The following ABHD16B variants were observed in gnomAD, a reference collection of about 807,000 sequenced individuals.
ABHD16B encodes abhydrolase domain containing 16B.
In ABHD16B, 14 loss-of-function variants were observed where a neutral mutation model predicts 10.5. That is an observed-to-expected ratio of 1.33 (90% confidence interval 0.88 to 2.08). The LOEUF (loss-of-function observed/expected upper bound fraction) is 2.08, where lower values mean the gene tolerates loss of function less well. Ranked by LOEUF, ABHD16B falls within the 30% of genes most tolerant of loss-of-function variation. ABHD16B has a pLI of 0.00. For missense variants in ABHD16B, 763 were observed against 717.4 expected, an observed-to-expected ratio of 1.06 and a Z score of -0.73; for synonymous variants, 374 against 337.9, an observed-to-expected ratio of 1.11 and a Z score of -1.17.
rs2052105764 is a variant in ABHD16B, at chr20:63,862,839, G to GCGGCGC, written c.1307_1312dup (p.Arg436_Arg437dup). On this transcript the variant is annotated inframe_insertion, in exon 1 of 1. Transcript: ENST00000369916. This position sits in a 1 kb window ranked among gnomAD's most constrained non-coding sequence, Gnocchi z 7.5. The stretch of plus-strand genomic sequence containing the variant: ...TGGTGGGCCAGGGCCTGAGCTCGCG[G>GCGGCGC]CGGCGCCGGCGCCTCGCACTGTTCC... 6.5e-7 allele frequency: 1 copy of GCGGCGC among 1,535,406 alleles called. No homozygotes were observed. The highest frequency in any genetic ancestry group is 8.7e-7 in the Non-Finnish European group (1 of 1,145,448).
In ABHD16B at chr20:63,862,963, A is replaced by G; in HGVS notation, c.*13A>G. The G allele has an allele frequency of 8.0e-7, 1 of 1,244,406 alleles. No individual in the cohort carries two copies. Among genetic ancestry groups the G allele is most frequent in the Non-Finnish European group, 1.0e-6 (1 of 971,292 alleles). The allele number at this position is 1,244,406 out of a possible 1,614,324, so 77.1% of individuals were successfully genotyped here. On this transcript the variant is annotated 3_prime_UTR_variant, in exon 1 of 1. Coordinates refer to ENST00000369916, the MANE Select transcript of ABHD16B (RefSeq NM_080622.4). The surrounding 1 kb of genome is among the most constrained non-coding windows in gnomAD (Gnocchi z 7.5). ...CTGGCGGCTGTAACCTATATGCCCC[A>G]GTGGGGGATCACGCACTTGAACTCC...
rs144773464 is a variant in ABHD16B, at chr20:63,862,418, G to A, written c.878G>A (p.Arg293His). The A allele has an allele frequency of 2.3e-5, 37 of 1,586,236 alleles. No individual in the cohort carries two copies. In the African/African-American group the frequency reaches 4.3e-4, roughly 18 times the overall value. The stretch of plus-strand genomic sequence containing the variant: ...CACAGTTGGAAGGGGCTGGTGGTGC[G>A]CACCGTGCGCGAGCACTTCAACCTC... ...MPHSWKGLVV[R>H]TVREHFNLNV... The change falls in exon 1 of 1, where the codon CGC (arginine) becomes CAC (histidine). Residue 293 changes from arginine (R) to histidine (H), a missense_variant. Physicochemically the swap from Arg to His is conservative, Grantham distance 29. Transcript: ENST00000369916. This position sits in a 1 kb window ranked among gnomAD's most constrained non-coding sequence, Gnocchi z 7.5.
Position 63,862,744 on chromosome 20 carries a change from C to G in ABHD16B, c.1204C>G (p.Arg402Gly). The change falls in exon 1 of 1, where the codon CGT (arginine) becomes GGT (glycine). Residue 402 changes from arginine to glycine, a missense_variant. Transcript: ENST00000369916. The surrounding 1 kb of genome is among the most constrained non-coding windows in gnomAD (Gnocchi z 7.5). ...GTGCCTGGCGCTGCTGCGCTCCTAC[C>G]GTGCACGCTGCGAAGAGGAGCTGGA... is the stretch of plus-strand genomic sequence containing the variant. ...DWCLALLRSY[R>G]ARCEEELEGE... is the part of the protein sequence containing the mutation. 4 of 1,529,600 alleles carry G rather than the reference C, an allele frequency of 2.6e-6. No individual in the cohort carries two copies. The highest frequency in any genetic ancestry group is 1.8e-4 in the Middle Eastern group (1 of 5,566). The allele number at this position is 1,529,600 out of a possible 1,614,324, so 94.8% of individuals were successfully genotyped here.
At position 63,861,964 on chromosome 20, in the gene ABHD16B, C is replaced by G. The variant is rs368544774; in HGVS notation, c.424C>G (p.Arg142Gly). The G allele has an allele frequency of 8.1e-6, 13 of 1,598,752 alleles. No homozygotes were observed. The highest frequency in any genetic ancestry group is 1.0e-5 in the Non-Finnish European group (12 of 1,178,474). ...ERLVERYHGR[R>G]AKLVACDGNE... is the part of the protein sequence containing the mutation. ...CCTCGTGGAGCGCTACCACGGCCGG[C>G]GCGCCAAGCTGGTGGCCTGTGACGG... The change falls in exon 1 of 1, where the codon CGC (arginine) becomes GGC (glycine). Residue 142 changes from arginine (R) to glycine (G), a missense_variant. Arg to Gly is a moderately radical substitution (Grantham distance 125, BLOSUM62 -2). Coordinates refer to ENST00000369916, the MANE Select transcript of ABHD16B (RefSeq NM_080622.4). The surrounding 1 kb of genome is among the most constrained non-coding windows in gnomAD (Gnocchi z 5.4).
In ABHD16B at chr20:63,861,871, G is replaced by A. The variant is rs373980057; in HGVS notation, c.331G>A (p.Val111Met). ...GGCCCACTCGCTGGGCCGCTGGCTC[G>A]TGTACCCCGGCTCCGTGTCCCTGAT... ...ALAHSLGRWL[V>M]YPGSVSLMTR... The change falls in exon 1 of 1, where the codon GTG becomes ATG. Residue 111 changes from valine (V) to methionine (M), a missense_variant. Physicochemically the swap from Val to Met is conservative, Grantham distance 21 (BLOSUM62 1). Coordinates refer to ENST00000369916, the MANE Select transcript of ABHD16B (RefSeq NM_080622.4). The surrounding 1 kb of genome is among the most constrained non-coding windows in gnomAD (Gnocchi z 5.4). The A allele has an allele frequency of 1.9e-4, 299 of 1,547,502 alleles. No individual in the cohort carries two copies. In the African/African-American group the frequency reaches 3.8e-3, roughly 20 times the overall value.
rs2052102516 is a variant in ABHD16B, at chr20:63,862,676, A to AGGAGGCCGCC, written c.1137_1146dup (p.Phe383GlyfsTer82). On this transcript the variant is annotated frameshift_variant, in exon 1 of 1. Coordinates refer to ENST00000369916, the MANE Select transcript of ABHD16B (RefSeq NM_080622.4). LOFTEE classifies it low-confidence loss of function (END_TRUNC). This position sits in a 1 kb window ranked among gnomAD's most constrained non-coding sequence, Gnocchi z 7.5. ...TGGCTGCGCGCTGGCAGCTTGGCGC[A>AGGAGGCCGCC]GGAGGCCGCCTTCTATGCACGCTAC... 1 of 1,535,462 alleles carries AGGAGGCCGCC rather than the reference A, an allele frequency of 6.5e-7. No homozygotes were observed. The highest frequency in any genetic ancestry group is 1.2e-5 in the South Asian group (1 of 83,892).
rs144760130 is a variant in ABHD16B, at chr20:63,862,212, C to T, written c.672C>T (p.Asp224=). 6.2e-7 allele frequency: 1 copy of T among 1,611,288 alleles called. No homozygotes were observed. Among genetic ancestry groups the T allele is most frequent in the African/African-American group, 1.3e-5 (1 of 74,902 alleles). The change falls in exon 1 of 1, where the codon GAC becomes GAT. Residue 224 remains aspartate (D), a synonymous_variant. Transcript: ENST00000369916. The surrounding 1 kb of genome is among the most constrained non-coding windows in gnomAD (Gnocchi z 7.5). ...CTCAGCACGACGCCAACGCCATGGA[C>T]GTGGTGGTCGAGTACGCACTGCACC... The part of the protein sequence containing the change: ...PFPQHDANAM[D]VVVEYALHRL...
Position 63,861,643 on chromosome 20 carries a change from T to C in ABHD16B, c.103T>C (p.Trp35Arg), listed in dbSNP as rs2052082443. The C allele has an allele frequency of 7.1e-6, 11 of 1,544,972 alleles. No individual in the cohort carries two copies. The highest frequency in any genetic ancestry group is 3.9e-5 in the Admixed American group (2 of 51,298). ...PFRGWPVAFR[W>R]DDVRAVGRSS... is the part of the protein sequence containing the mutation. ...CCGCGGCTGGCCCGTGGCCTTCCGCTGGGATGACGTGCGCGCCGTGGGCCG... is the reference window on the plus strand; with the variant it reads ...CCGCGGCTGGCCCGTGGCCTTCCGCCGGGATGACGTGCGCGCCGTGGGCCG... Residue 35 changes from tryptophan (W) to arginine (R), a missense_variant, in exon 1 of 1, where the codon TGG (tryptophan) becomes CGG (arginine). By Grantham distance (101) the Trp-to-Arg change is moderately radical (BLOSUM62 -3). Coordinates refer to ENST00000369916, the MANE Select transcript of ABHD16B (RefSeq NM_080622.4). The surrounding 1 kb of genome is among the most constrained non-coding windows in gnomAD (Gnocchi z 5.4).
rs1181155101 is a variant in ABHD16B at position 63,861,758 on chromosome 20, G to C, written c.218G>C (p.Gly73Ala). ...GAGACGCTGGGCGGGGATGCGCTGG[G>C]GCGGCCTCCACGTGGGGCGCGCAGC... is the stretch of plus-strand genomic sequence containing the variant. The part of the protein sequence containing the change: ...RDETLGGDAL[G>A]RPPRGARSQA... The change falls in exon 1 of 1, where the codon GGG becomes GCG. Residue 73 changes from glycine (G) to alanine (A), a missense_variant. Transcript: ENST00000369916. This position sits in a 1 kb window ranked among gnomAD's most constrained non-coding sequence, Gnocchi z 5.4. The C allele has an allele frequency of 2.8e-6, 4 of 1,413,750 alleles. No individual in the cohort carries two copies. The African/African-American group carries it at 6.1e-5, about 22-fold the overall frequency. The allele number at this position is 1,413,750 out of a possible 1,614,324, so 87.6% of individuals were successfully genotyped here. A position where few individuals can be genotyped will look rare whatever the true frequency, so the allele number is the denominator to read the frequency against.
chr20:63,861,814 G>A lies in ABHD16B; in HGVS notation c.274G>A (p.Glu92Lys). The change falls in exon 1 of 1, where the codon GAG becomes AAG. Residue 92 changes from glutamate to lysine, a missense_variant. Coordinates refer to ENST00000369916, the MANE Select transcript of ABHD16B (RefSeq NM_080622.4). The surrounding 1 kb of genome is among the most constrained non-coding windows in gnomAD (Gnocchi z 5.4). Reference sequence around the variant, plus strand: ...GCAGTGCCTCTTGCAGCAGCTCCGCGAGCTGCCCGGCCAGCTCGCTAGCTA... The same window carrying A: ...GCAGTGCCTCTTGCAGCAGCTCCGCAAGCTGCCCGGCCAGCTCGCTAGCTA... ...QAQCLLQQLR[E>K]LPGQLASYAL... 9 of 1,464,300 alleles carry A rather than the reference G, an allele frequency of 6.1e-6. No homozygotes were observed. Among genetic ancestry groups the A allele is most frequent in the Non-Finnish European group, 7.3e-6 (8 of 1,101,976 alleles). The allele number at this position is 1,464,300 out of a possible 1,614,324, so 90.7% of individuals were successfully genotyped here. A position where few individuals can be genotyped will look rare whatever the true frequency, so the allele number is the denominator to read the frequency against.
Position 63,861,673 on chromosome 20 carries a change from A to AGCAGCCACCGGGCGCTGACCTGCGCG in ABHD16B, c.140_165dup (p.Ala56ThrfsTer4). 6.5e-7 allele frequency: 1 copy of AGCAGCCACCGGGCGCTGACCTGCGCG among 1,534,558 alleles called. No homozygotes were observed. Among genetic ancestry groups the AGCAGCCACCGGGCGCTGACCTGCGCG allele is most frequent in the Non-Finnish European group, 8.7e-7 (1 of 1,143,584 alleles). On this transcript the variant is annotated frameshift_variant, in exon 1 of 1. Coordinates refer to ENST00000369916, the MANE Select transcript of ABHD16B (RefSeq NM_080622.4). LOFTEE classifies it high-confidence loss of function. This position sits in a 1 kb window ranked among gnomAD's most constrained non-coding sequence, Gnocchi z 5.4. ...TGACGTGCGCGCCGTGGGCCGGAGC[A>AGCAGCCACCGGGCGCTGACCTGCGCG]GCAGCCACCGGGCGCTGACCTGCGC...
chr20:63,861,713 G>A lies in ABHD16B; in HGVS notation c.173G>A (p.Gly58Asp). The A allele has an allele frequency of 6.9e-7, 1 of 1,452,328 alleles. No homozygotes were observed. Among genetic ancestry groups the A allele is most frequent in the Non-Finnish European group, 9.0e-7 (1 of 1,111,616 alleles). 90.0% of individuals were successfully genotyped at this position (1,452,328 alleles called of 1,614,324 possible). A position where few individuals can be genotyped will look rare whatever the true frequency, so the allele number is the denominator to read the frequency against. Residue 58 changes from glycine to aspartate, a missense_variant, in exon 1 of 1, where the codon GGC (glycine) becomes GAC (aspartate). Gly to Asp is a moderately conservative substitution (Grantham distance 94). Coordinates refer to ENST00000369916, the MANE Select transcript of ABHD16B (RefSeq NM_080622.4). The surrounding 1 kb of genome is among the most constrained non-coding windows in gnomAD (Gnocchi z 5.4). Reference sequence around the variant, plus strand: ...CTGACCTGCGCGGCAGCCGCGGCGGGCGTGTGGTTGCTGCGGGACGAGACG... The same window carrying A: ...CTGACCTGCGCGGCAGCCGCGGCGGACGTGTGGTTGCTGCGGGACGAGACG... ...RALTCAAAAA[G>D]VWLLRDETLG...
At position 63,862,347 on chromosome 20, in the gene ABHD16B, C is replaced by T; in HGVS notation, c.807C>T (p.Asp269=). Residue 269 remains aspartate (D), a synonymous_variant, in exon 1 of 1, where the codon GAC becomes GAT. Coordinates refer to ENST00000369916, the MANE Select transcript of ABHD16B (RefSeq NM_080622.4). The surrounding 1 kb of genome is among the most constrained non-coding windows in gnomAD (Gnocchi z 7.5). Reference sequence around the variant, plus strand: ...CGGAGCTGGGTGCACTGGTGCTGGACGCCACCTTCGACGACCTTGTGCCGC... The same window carrying T: ...CGGAGCTGGGTGCACTGGTGCTGGATGCCACCTTCGACGACCTTGTGCCGC... ...TYPELGALVL[D]ATFDDLVPLA... is the part of the protein sequence containing the mutation. The T allele has an allele frequency of 6.2e-7, 1 of 1,612,026 alleles. No individual in the cohort carries two copies.
rs1277613288 is a variant in ABHD16B, at chr20:63,861,740, T to C, written c.200T>C (p.Leu67Pro). The C allele has an allele frequency of 9.1e-5, 128 of 1,410,748 alleles. No homozygotes were observed. The highest frequency in any genetic ancestry group is 1.2e-4 in the Non-Finnish European group (126 of 1,092,468). The allele number at this position is 1,410,748 out of a possible 1,614,324, so 87.4% of individuals were successfully genotyped here. A position where few individuals can be genotyped will look rare whatever the true frequency, so the allele number is the denominator to read the frequency against. ...AGVWLLRDET[L>P]GGDALGRPPR... ...GTGTGGTTGCTGCGGGACGAGACGCTGGGCGGGGATGCGCTGGGGCGGCCT... is the reference window on the plus strand; with the variant it reads ...GTGTGGTTGCTGCGGGACGAGACGCCGGGCGGGGATGCGCTGGGGCGGCCT... Residue 67 changes from leucine to proline, a missense_variant, in exon 1 of 1, where the codon CTG becomes CCG. Coordinates refer to ENST00000369916, the MANE Select transcript of ABHD16B (RefSeq NM_080622.4). The surrounding 1 kb of genome is among the most constrained non-coding windows in gnomAD (Gnocchi z 5.4).
At position 63,862,689 on chromosome 20, in the gene ABHD16B, C is replaced by G; in HGVS notation, c.1149C>G (p.Phe383Leu). Residue 383 changes from phenylalanine to leucine, a missense_variant, in exon 1 of 1, where the codon TTC (phenylalanine) becomes TTG (leucine). Physicochemically the swap from Phe to Leu is conservative, Grantham distance 22 (BLOSUM62 0). Transcript: ENST00000369916. The surrounding 1 kb of genome is among the most constrained non-coding windows in gnomAD (Gnocchi z 7.5). The stretch of plus-strand genomic sequence containing the variant: ...GCAGCTTGGCGCAGGAGGCCGCCTT[C>G]TATGCACGCTACCGCGTGGACGAGG... ...RAGSLAQEAA[F>L]YARYRVDEDW... 2 of 1,535,154 alleles carry G rather than the reference C, an allele frequency of 1.3e-6. No individual in the cohort carries two copies. The highest frequency in any genetic ancestry group is 2.0e-5 in the Admixed American group (1 of 50,788).
chr20:63,861,751 G>T lies in ABHD16B; in HGVS notation c.211G>T (p.Ala71Ser). 3 of 1,411,778 alleles carry T rather than the reference G, an allele frequency of 2.1e-6. No individual in the cohort carries two copies. Among genetic ancestry groups the T allele is most frequent in the South Asian group, 1.5e-5 (1 of 67,366 alleles). 87.5% of individuals were successfully genotyped at this position (1,411,778 alleles called of 1,614,324 possible). Reference protein sequence around the residue: ...LLRDETLGGDALGRPPRGARS... With the variant: ...LLRDETLGGDSLGRPPRGARS... ...GCGGGACGAGACGCTGGGCGGGGAT[G>T]CGCTGGGGCGGCCTCCACGTGGGGC... Residue 71 changes from alanine to serine, a missense_variant, in exon 1 of 1, where the codon GCG becomes TCG. Coordinates refer to ENST00000369916, the MANE Select transcript of ABHD16B (RefSeq NM_080622.4). The surrounding 1 kb of genome is among the most constrained non-coding windows in gnomAD (Gnocchi z 5.4).
rs941723052 is a variant in ABHD16B, at chr20:63,861,732, C to G, written c.192C>G (p.Asp64Glu). The change falls in exon 1 of 1, where the codon GAC (aspartate) becomes GAG (glutamate). Residue 64 changes from aspartate (D) to glutamate (E), a missense_variant. Coordinates refer to ENST00000369916, the MANE Select transcript of ABHD16B (RefSeq NM_080622.4). This position sits in a 1 kb window ranked among gnomAD's most constrained non-coding sequence, Gnocchi z 5.4. ...AAAAGVWLLRDETLGGDALGR... is the reference protein window; with the variant it reads ...AAAAGVWLLREETLGGDALGR... ...CGGCGGGCGTGTGGTTGCTGCGGGA[C>G]GAGACGCTGGGCGGGGATGCGCTGG... The G allele has an allele frequency of 3.5e-6, 5 of 1,424,282 alleles. No individual in the cohort carries two copies. The highest frequency in any genetic ancestry group is 4.5e-6 in the Non-Finnish European group (5 of 1,099,056). The allele number at this position is 1,424,282 out of a possible 1,614,324, so 88.2% of individuals were successfully genotyped here.
Position 63,862,271 on chromosome 20 carries a change from A to G in ABHD16B, c.731A>G (p.Tyr244Cys), listed in dbSNP as rs1380245871. 3 of 1,611,494 alleles carry G rather than the reference A, an allele frequency of 1.9e-6. No homozygotes were observed. The highest frequency in any genetic ancestry group is 2.7e-5 in the African/African-American group (2 of 74,860). ...LHFPPAHLVV[Y>C]GWSVGGFTAT... ...TTCCCGCCCGCGCACCTGGTGGTCT[A>G]CGGCTGGTCTGTTGGCGGCTTCACG... The change falls in exon 1 of 1, where the codon TAC becomes TGC. Residue 244 changes from tyrosine to cysteine, a missense_variant. Tyr to Cys is a radical substitution (Grantham distance 194, BLOSUM62 -2). Transcript: ENST00000369916. The surrounding 1 kb of genome is among the most constrained non-coding windows in gnomAD (Gnocchi z 7.5).
chr20:63,862,873 A>G lies in ABHD16B; in HGVS notation c.1333A>G (p.Lys445Glu), dbSNP rs772265603. 6.5e-7 allele frequency: 1 copy of G among 1,541,146 alleles called. No homozygotes were observed. The highest frequency in any genetic ancestry group is 2.0e-5 in the Admixed American group (1 of 50,592). Residue 445 changes from lysine to glutamate, a missense_variant, in exon 1 of 1, where the codon AAG (lysine) becomes GAG (glutamate). Transcript: ENST00000369916. The surrounding 1 kb of genome is among the most constrained non-coding windows in gnomAD (Gnocchi z 7.5). ...GCGCCTCGCACTGTTCCTGGCTCGG[A>G]AGCACCTCAAGAACGTGGAGGCGAC... The part of the protein sequence containing the change: ...RRRLALFLAR[K>E]HLKNVEATHF...
Sources: allele counts gnomAD v4.1 joint callset, GRCh38; gene constraint gnomAD v4.1.1; non-coding constraint Gnocchi (gnomAD v3.1); transcripts MANE v1.5; gene names NCBI Gene and HGNC (gene_info 2026-07-23, HGNC 2026-07-21).